Variants in NCALD observed in about 807,000 individuals in gnomAD.
The protein encoded by NCALD is neurocalcin-delta.
NCALD carries 10 observed loss-of-function variants against 18.6 expected under a neutral mutation model. The ratio of observed to expected loss-of-function variants is 0.54; its 90% confidence interval spans 0.33 to 0.91. The LOEUF is 0.91. Among genes scored for constraint, NCALD ranks in the 40% least tolerant of loss-of-function variants. The pLI, the probability that NCALD is intolerant of heterozygous loss-of-function variation, is 0.03. For missense variants in NCALD, 184 were observed against 247.6 expected, an observed-to-expected ratio of 0.74 and a Z score of 1.72; for synonymous variants, 88 against 87.4, an observed-to-expected ratio of 1.01 and a Z score of -0.04.
intron 2 of NCALD, among the ~76,000 whole-genome samples, chr8:101,984,865 T>C (rs527894134): frequency 2.6e-4 from 39 of 152,304 alleles, no homozygotes; most frequent in African/African-American, 8.9e-4. Context: ...CACCATCACC[T>C]CAGTTCACAT....
intron 1 of NCALD, among the ~76,000 whole-genome samples, chr8:102,048,839 G>C (rs1823334948): frequency 6.6e-6 from 1 of 152,160 alleles, no homozygotes; most frequent in South Asian, 2.1e-4. Context: ...AGCTCAAACA[G>C]AACTAAAGAC....
At chr8:101,984,037 G>A (rs538651951) in intron 2 of NCALD, among the ~76,000 whole-genome samples, 2 of 152,112 alleles carry the variant, frequency 1.3e-5, no homozygotes, top group African/African-American at 4.8e-5. Flanking sequence ...TTCCTGCCTG[G>A]ACCCTGTGAC....
At chr8:101,910,386 G>A (rs505510) in intron 3 of NCALD, among the ~76,000 whole-genome samples, 11,283 of 152,086 alleles carry the variant, frequency 0.074, 581 homozygotes, top group African/African-American at 0.13. Context: ...GCCAGAAAAG[G>A]AGAGCTCAGA....
At chr8:101,891,906 C>G (rs1437196538) in intron 3 of NCALD, among the ~76,000 whole-genome samples, 1 of 152,200 alleles carries the variant, frequency 6.6e-6, no homozygotes, top group African/African-American at 2.4e-5. Flanking sequence ...AGTCTGAGAT[C>G]AAACTGCAAG....
chr8:101,807,566 G>T (rs1282188358), intron 4 of NCALD, among the ~76,000 whole-genome samples: 1 of 152,064 alleles, frequency 6.6e-6, no homozygotes, highest in South Asian at 2.1e-4. Flanking sequence ...TATTAATAGG[G>T]TTATCTGGTT....
intron 1 of NCALD, among the ~76,000 whole-genome samples, chr8:102,118,514 G>A (rs1000323539): frequency 1.3e-5 from 2 of 152,184 alleles, no homozygotes; most frequent in Non-Finnish European, 2.9e-5. Flanking sequence ...TACTTGAATC[G>A]CCTTTAGGCA....
intron 2 of NCALD, among the ~76,000 whole-genome samples, chr8:101,956,496 C>T (rs1819627881): frequency 6.6e-6 from 1 of 152,096 alleles, no homozygotes; most frequent in African/African-American, 2.4e-5. Context: ...AAGGCAAGTG[C>T]TTTGAAATTT....
chr8:101,989,160 A>G (rs1312708419), intron 2 of NCALD, among the ~76,000 whole-genome samples: 3 of 152,184 alleles, frequency 2.0e-5, no homozygotes, highest in African/African-American at 7.2e-5. Context: ...CTGTGTGGCA[A>G]GTGATAAAGA....
chr8:101,983,796 C>T (rs1820707836), intron 2 of NCALD, among the ~76,000 whole-genome samples: 1 of 152,198 alleles, frequency 6.6e-6, no homozygotes, highest in Admixed American at 6.5e-5. Flanking sequence ...GATGGGTTTA[C>T]TCTTCCCACC....
intron 2 of NCALD, among the ~76,000 whole-genome samples, chr8:101,975,976 T>C (rs763182685): frequency 2.6e-5 from 4 of 152,178 alleles, no homozygotes; most frequent in Non-Finnish European, 4.4e-5. Flanking sequence ...ATAGAAGGCA[T>C]TGGCAGGAGA....
chr8:101,838,663 T>G (rs369136205), intron 4 of NCALD, among the ~76,000 whole-genome samples: 1 of 152,352 alleles, frequency 6.6e-6, no homozygotes, highest in Non-Finnish European at 1.5e-5. Flanking sequence ...ATTCAATCAT[T>G]GAAATTGAAG....
At chr8:102,121,908 G>A (rs1011883120) in intron 1 of NCALD, among the ~76,000 whole-genome samples, 4 of 152,146 alleles carry the variant, frequency 2.6e-5, no homozygotes, top group Middle Eastern at 3.2e-3. Flanking sequence ...TATTCTCTGT[G>A]TTTGATTCTG....
At chr8:101,702,770 A>G (rs949555540) in intron 2 of NCALD, among the ~76,000 whole-genome samples, 3 of 152,362 alleles carry the variant, frequency 2.0e-5, no homozygotes, top group Admixed American at 1.3e-4. Context: ...AGATACAGAA[A>G]CAAACGCTGA....
intron 1 of NCALD, among the ~76,000 whole-genome samples, chr8:102,074,841 T>C (rs1464696768): frequency 6.6e-6 from 1 of 152,220 alleles, no homozygotes; most frequent in African/African-American, 2.4e-5. Context: ...GTATATCAAT[T>C]ATGATTCCAT....
intron 1 of NCALD, among the ~76,000 whole-genome samples, chr8:101,725,984 G>C (rs552944092): frequency 1.3e-5 from 2 of 152,264 alleles, no homozygotes; most frequent in African/African-American, 4.8e-5. Flanking sequence ...AAGCAACACT[G>C]GGAAAAGACC....
chr8:102,055,000 A>T (rs1371235394), intron 1 of NCALD, among the ~76,000 whole-genome samples: 1 of 152,004 alleles, frequency 6.6e-6, no homozygotes, highest in Non-Finnish European at 1.5e-5. Context: ...GCACTCTCTC[A>T]GGCTGCTGGT....
intron 4 of NCALD, among the ~76,000 whole-genome samples, chr8:101,870,906 C>CA (rs1815986237): frequency 1.1e-5 from 1 of 90,946 alleles, no homozygotes; most frequent in Non-Finnish European, 2.1e-5. Context: ...CACCCCCCCC[C>CA]CCCAAAAAAA....
At chr8:101,807,955 T>A (rs953033618) in intron 4 of NCALD, among the ~76,000 whole-genome samples, 1 of 151,934 alleles carries the variant, frequency 6.6e-6, no homozygotes, top group African/African-American at 2.4e-5. Context: ...AACTATGGAA[T>A]GGAAAACAAG....
intron 2 of NCALD, among the ~76,000 whole-genome samples, chr8:102,019,511 C>A (rs1387699410): frequency 6.6e-6 from 1 of 152,074 alleles, no homozygotes; most frequent in Non-Finnish European, 1.5e-5. Context: ...AAATCAGAAA[C>A]TAAATCAGTT....
Sources: gnomAD v4.1 joint callset for allele counts (sites outside exome capture counted in the v4.1 genomes callset) on GRCh38, gnomAD v4.1.1 for gene constraint, MANE v1.5 for transcripts, NCBI Gene and HGNC (gene_info 2026-07-23, HGNC 2026-07-21) for gene names.